Variants in ZSWIM6 observed in about 807,000 individuals in gnomAD.
ZSWIM6 encodes the protein zinc finger SWIM domain-containing protein 6.
ZSWIM6 carries 9 observed loss-of-function variants against 113.2 expected under a neutral mutation model. That is an observed-to-expected ratio of 0.08 (90% CI 0.05 to 0.14). ZSWIM6 has a LOEUF of 0.14. Ranked by LOEUF, ZSWIM6 falls within the 10% of genes least tolerant of loss-of-function variation. The probability of loss-of-function intolerance (pLI) is 1.00; values close to 1 mark genes in which losing one functional copy is unlikely to be tolerated. For synonymous variants in ZSWIM6, 611 were observed against 606.5 expected (o/e 1.01, Z -0.11); for missense variants, 1,162 against 1,552.2 (o/e 0.75, Z 4.22).
At chr5:61,539,246 A>AT (rs993098223) in intron 11 of ZSWIM6, among the ~76,000 whole-genome samples, 1 of 152,116 alleles carries the variant, frequency 6.6e-6, no homozygotes, top group African/African-American at 2.4e-5. Flanking sequence ...GTTGGGTTAC[A>AT]TTTTTTTCTT....
chr5:61,381,925 T>C (rs915470560), intron 1 of ZSWIM6, among the ~76,000 whole-genome samples: 5 of 152,238 alleles, frequency 3.3e-5, no homozygotes, highest in African/African-American at 4.8e-5. Context: ...TTTCTTGATA[T>C]AACAAATGAA....
At chr5:61,344,467 GTTCT>G (rs747773146) in intron 1 of ZSWIM6, among the ~76,000 whole-genome samples, 3 of 152,142 alleles carry the variant, frequency 2.0e-5, no homozygotes, top group Admixed American at 6.5e-5. Context: ...GCTCCAGTTT[GTTCT>G]TTCTTTCTTT....
At chr5:61,409,861 T>G (rs1746120094) in intron 1 of ZSWIM6, among the ~76,000 whole-genome samples, 1 of 152,216 alleles carries the variant, frequency 6.6e-6, no homozygotes, top group South Asian at 2.1e-4. Flanking sequence ...ACATTGTTAC[T>G]TGATCAGGCC....
chr5:61,529,749 G>A (rs1749380648), intron 7 of ZSWIM6, among the ~76,000 whole-genome samples: 1 of 152,164 alleles, frequency 6.6e-6, no homozygotes, highest in Non-Finnish European at 1.5e-5. Flanking sequence ...ATTTAATAGT[G>A]TAAGTAGTAA....
At chr5:61,435,341 T>G (rs572178959) in intron 1 of ZSWIM6, among the ~76,000 whole-genome samples, 1 of 152,346 alleles carries the variant, frequency 6.6e-6, no homozygotes. Flanking sequence ...TGTGCACAGC[T>G]ACTGTTTTGG....
At chr5:61,394,773 C>G (rs1420702120) in intron 1 of ZSWIM6, among the ~76,000 whole-genome samples, 4 of 152,158 alleles carry the variant, frequency 2.6e-5, no homozygotes, top group Non-Finnish European at 5.9e-5. Flanking sequence ...TTCTAGGCAG[C>G]AAGTAAAGCT....
rs114236355 is a variant in ZSWIM6 at position 61,385,212 on chromosome 5, G to C, written c.676+52264G>C. 1.2e-3 allele frequency among the ~76,000 whole-genome samples: 177 copies of C among 152,212 alleles called. 1 individual carries two copies. Among genetic ancestry groups the C allele is most frequent in the African/African-American group, 4.1e-3 (170 of 41,536 alleles). On this transcript the variant is annotated intron_variant, in intron 1 of 13. Transcript: ENST00000252744. ...ACACAAATACTGGTTAATGGTGTTTGGTATATTCTCTTCAAGAAGACAAAT... is the reference window on the plus strand; with the variant it reads ...ACACAAATACTGGTTAATGGTGTTTCGTATATTCTCTTCAAGAAGACAAAT...
chr5:61,353,177 T>A (rs1288187575), intron 1 of ZSWIM6, among the ~76,000 whole-genome samples: 1 of 152,134 alleles, frequency 6.6e-6, no homozygotes, highest in Non-Finnish European at 1.5e-5. Context: ...AAACCTGAAA[T>A]TTTTCAGTGT....
intron 1 of ZSWIM6, among the ~76,000 whole-genome samples, chr5:61,404,533 G>A (rs1746010217): frequency 6.6e-6 from 1 of 152,222 alleles, no homozygotes; most frequent in African/African-American, 2.4e-5. Context: ...AGACCTTATG[G>A]TAGAGGAGGG....
At chr5:61,393,561 A>G (rs950051477) in intron 1 of ZSWIM6, among the ~76,000 whole-genome samples, 1 of 152,042 alleles carries the variant, frequency 6.6e-6, no homozygotes, top group Non-Finnish European at 1.5e-5. Context: ...CAGAAAGCTG[A>G]TAATTTGTGC....
At chr5:61,459,092 G>A (rs1747270287) in intron 1 of ZSWIM6, among the ~76,000 whole-genome samples, 1 of 152,066 alleles carries the variant, frequency 6.6e-6, no homozygotes, top group Non-Finnish European at 1.5e-5. Flanking sequence ...GAAACCATTT[G>A]GGTTTACATT....
chr5:61,465,037 A>C (rs1462605048), intron 1 of ZSWIM6, among the ~76,000 whole-genome samples: 1 of 152,190 alleles, frequency 6.6e-6, no homozygotes, highest in Non-Finnish European at 1.5e-5. Context: ...GCAGGTGACA[A>C]GGGATCCTAG....
intron 1 of ZSWIM6, among the ~76,000 whole-genome samples, chr5:61,339,809 C>T (rs1744497574): frequency 6.6e-6 from 1 of 152,152 alleles, no homozygotes; most frequent in South Asian, 2.1e-4. Context: ...TTTGTCACAA[C>T]AAAAAGGCTA....
In ZSWIM6 at chr5:61,490,771, T is replaced by C. The variant is rs1316210165; in HGVS notation, c.1034-15T>C. The C allele has an allele frequency of 1.3e-6, 2 of 1,543,614 alleles. No individual in the cohort carries two copies. Among genetic ancestry groups the C allele is most frequent in the Admixed American group, 4.0e-5 (2 of 49,876 alleles). On this transcript the variant is annotated splice_polypyrimidine_tract_variant and intron_variant, in intron 2 of 13. Transcript: ENST00000252744. ...TATCTAGCCTGTGTGTTATTATTTT[T>C]CTTTCTATTTCTAGGTGCTCCTGAT...
At chr5:61,495,075 T>C (rs1009960905) in intron 4 of ZSWIM6, among the ~76,000 whole-genome samples, 3 of 152,192 alleles carry the variant, frequency 2.0e-5, no homozygotes, top group Non-Finnish European at 4.4e-5. Flanking sequence ...ATCTTGTCTT[T>C]TTATTAAGAA....
At chr5:61,461,275 C>T (rs1747318397) in intron 1 of ZSWIM6, among the ~76,000 whole-genome samples, 1 of 152,198 alleles carries the variant, frequency 6.6e-6, no homozygotes, top group South Asian at 2.1e-4. Flanking sequence ...ATAGCAACTA[C>T]CACCCCATAT....
chr5:61,403,228 TA>T (rs1449034175), intron 1 of ZSWIM6, among the ~76,000 whole-genome samples: 20 of 152,366 alleles, frequency 1.3e-4, no homozygotes, highest in African/African-American at 4.8e-4. Context: ...GGATTTATTT[TA>T]AAAATCCTCC....
chr5:61,436,586 C>T (rs1205305894), intron 1 of ZSWIM6, among the ~76,000 whole-genome samples: 1 of 152,206 alleles, frequency 6.6e-6, no homozygotes, highest in Non-Finnish European at 1.5e-5. Flanking sequence ...TTACTTACTT[C>T]TAGCATTCAT....
At chr5:61,333,456 C>A (rs1009804063) in intron 1 of ZSWIM6, among the ~76,000 whole-genome samples, 1 of 151,944 alleles carries the variant, frequency 6.6e-6, no homozygotes, top group African/African-American at 2.4e-5. Context: ...CTGGCCCCCG[C>A]CCCACGCGAT....
Sources: allele counts gnomAD v4.1 joint callset (sites outside exome capture counted in the v4.1 genomes callset), GRCh38; gene constraint gnomAD v4.1.1; transcripts MANE v1.5; gene names NCBI Gene and HGNC (gene_info 2026-07-23, HGNC 2026-07-21).